The following NLGN1 variants were observed in gnomAD, a reference collection of about 807,000 sequenced individuals.
The protein encoded by NLGN1 is neuroligin 1.
In NLGN1, 12 loss-of-function variants were observed where a neutral mutation model predicts 65.5. The observed-to-expected ratio is 0.18, with a 90% CI of 0.12 to 0.30. NLGN1 has a LOEUF of 0.30. NLGN1 is among the 10% of genes least tolerant of loss of function. NLGN1 has a pLI of 1.00. For missense variants in NLGN1, 750 were observed against 1,007.1 expected, an observed-to-expected ratio of 0.74 and a Z score of 3.46; for synonymous variants, 350 against 359.5, an observed-to-expected ratio of 0.97 and a Z score of 0.30.
At chr3:173,862,423 G>A (rs1246121097) in intron 4 of NLGN1, among the ~76,000 whole-genome samples, 3 of 146,632 alleles carry the variant, frequency 2.0e-5, no homozygotes, top group African/African-American at 7.5e-5. Context: ...GGAGAATGGC[G>A]TGAACCCGGG....
At chr3:173,909,835 C>T (rs1260358664) in intron 4 of NLGN1, among the ~76,000 whole-genome samples, 3 of 152,098 alleles carry the variant, frequency 2.0e-5, no homozygotes, top group African/African-American at 4.8e-5. Context: ...TGTGCCACCA[C>T]GCCCAGCTAA....
chr3:173,799,509 G>A (rs905995015), intron 3 of NLGN1, among the ~76,000 whole-genome samples: 1 of 151,838 alleles, frequency 6.6e-6, no homozygotes, highest in Non-Finnish European at 1.5e-5. Context: ...GCATGAAACT[G>A]CACTAAGGCA....
chr3:174,025,911 A>G (rs1728740631), intron 4 of NLGN1, among the ~76,000 whole-genome samples: 1 of 152,196 alleles, frequency 6.6e-6, no homozygotes, highest in Non-Finnish European at 1.5e-5. Context: ...GAAAATACTT[A>G]TAAGAGAGAA....
intron 2 of NLGN1, among the ~76,000 whole-genome samples, chr3:173,584,045 A>T (rs1169543403): frequency 2.0e-5 from 3 of 151,594 alleles, no homozygotes; most frequent in Non-Finnish European, 4.4e-5. Context: ...TTTAGCTACT[A>T]ACTGCCATTG....
chr3:174,059,824 T>C (rs1173496443), intron 4 of NLGN1, among the ~76,000 whole-genome samples: 1 of 152,268 alleles, frequency 6.6e-6, no homozygotes, highest in South Asian at 2.1e-4. Context: ...TTTATACGGC[T>C]AGCAAGTTTC....
At chr3:174,045,635 T>G (rs1254038176) in intron 4 of NLGN1, among the ~76,000 whole-genome samples, 1 of 152,206 alleles carries the variant, frequency 6.6e-6, no homozygotes, top group Non-Finnish European at 1.5e-5. Flanking sequence ...TAAGATTGCT[T>G]CTACTACATA....
chr3:173,823,705 G>T (rs972537196), intron 4 of NLGN1, among the ~76,000 whole-genome samples: 1 of 151,914 alleles, frequency 6.6e-6, no homozygotes, highest in African/African-American at 2.4e-5. Context: ...TTGGTTACCA[G>T]GTCAGACAAC....
chr3:174,212,007 T>C (rs1736693782), intron 4 of NLGN1, among the ~76,000 whole-genome samples: 1 of 152,026 alleles, frequency 6.6e-6, no homozygotes, highest in Admixed American at 6.5e-5. Context: ...TGGGACTGGG[T>C]GCCATGGAGC....
intron 3 of NLGN1, among the ~76,000 whole-genome samples, chr3:173,679,878 T>C (rs1463131778): frequency 1.3e-5 from 2 of 152,068 alleles, no homozygotes; most frequent in Non-Finnish European, 2.9e-5. Flanking sequence ...ACCCCCTCTA[T>C]GTCCTACAGA....
rs373500486 is a variant in NLGN1 at position 173,739,531 on chromosome 3, A to G, written c.494-68149A>G. 8.5e-5 allele frequency among the ~76,000 whole-genome samples: 13 copies of G among 152,200 alleles called. No homozygotes were observed. The East Asian group carries it at 1.7e-3, about 20-fold the overall frequency. On this transcript the variant is annotated intron_variant, in intron 3 of 6. Coordinates refer to ENST00000457714, the Ensembl canonical transcript of NLGN1. ...TCAGGATTTAATAGCAAGCTAAGCC[A>G]TAGGGAGCTGCTGTCATAATGAAAA...
At chr3:173,863,971 C>T (rs986230152) in intron 4 of NLGN1, among the ~76,000 whole-genome samples, 2 of 152,188 alleles carry the variant, frequency 1.3e-5, no homozygotes, top group African/African-American at 4.8e-5. Flanking sequence ...AACAGAGCTG[C>T]CTTCCATATT....
At chr3:174,084,669 C>T (rs79633773) in intron 4 of NLGN1, among the ~76,000 whole-genome samples, 165 of 152,120 alleles carry the variant, frequency 1.1e-3, no homozygotes, top group African/African-American at 3.8e-3. Flanking sequence ...ATATCAACCA[C>T]CTAATAACTT....
At chr3:173,680,371 A>G (rs1763795668) in intron 3 of NLGN1, among the ~76,000 whole-genome samples, 1 of 152,152 alleles carries the variant, frequency 6.6e-6, no homozygotes, top group African/African-American at 2.4e-5. Context: ...AATGATCAGA[A>G]ATGTACTTTT....
At chr3:173,570,551 A>G (rs1272048034) in intron 2 of NLGN1, among the ~76,000 whole-genome samples, 3 of 152,142 alleles carry the variant, frequency 2.0e-5, no homozygotes, top group African/African-American at 2.4e-5. Context: ...TTCTTTGTAA[A>G]AGGAGCATGT....
chr3:173,961,333 T>C (rs998795164), intron 4 of NLGN1, among the ~76,000 whole-genome samples: 7 of 152,020 alleles, frequency 4.6e-5, no homozygotes, highest in South Asian at 2.1e-4. Context: ...ACCCAGAACA[T>C]ACGCTGAGGA....
At chr3:174,140,526 G>A (rs557895929) in intron 4 of NLGN1, among the ~76,000 whole-genome samples, 204 of 152,200 alleles carry the variant, frequency 1.3e-3, no homozygotes, top group Non-Finnish European at 2.2e-3. Context: ...TTTTATGGAT[G>A]AGGAAATGAG....
chr3:174,058,420 C>T (rs1736640594), intron 4 of NLGN1, among the ~76,000 whole-genome samples: 1 of 152,084 alleles, frequency 6.6e-6, no homozygotes, highest in African/African-American at 2.4e-5. Flanking sequence ...AGATGAATCT[C>T]ACTTTTACAG....
chr3:174,030,371 G>A (rs533275734), intron 4 of NLGN1, among the ~76,000 whole-genome samples: 146 of 152,044 alleles, frequency 9.6e-4, no homozygotes, highest in African/African-American at 3.1e-3. Flanking sequence ...TGATCCTCCC[G>A]CCTCGGCCTC....
chr3:174,031,341 C>T (rs981139256), intron 4 of NLGN1, among the ~76,000 whole-genome samples: 1 of 152,138 alleles, frequency 6.6e-6, no homozygotes, highest in African/African-American at 2.4e-5. Context: ...TGAAATGGCC[C>T]ATCCTAAAGA....
Sources: gnomAD v4.1 joint callset for allele counts (sites outside exome capture counted in the v4.1 genomes callset) on GRCh38, gnomAD v4.1.1 for gene constraint, MANE v1.5 for transcripts, NCBI Gene and HGNC (gene_info 2026-07-23, HGNC 2026-07-21) for gene names.